Variants in LMNTD1 observed in about 807,000 individuals in gnomAD.
The protein encoded by LMNTD1 is lamin tail domain-containing protein 1.
Under a neutral mutation model 50.9 loss-of-function variants are expected in LMNTD1, and 35 were observed. The observed-to-expected ratio is 0.69, with a 90% CI of 0.53 to 0.91. The LOEUF is 0.91. Among genes scored for constraint, LMNTD1 ranks in the 40% least tolerant of loss-of-function variants. LMNTD1 has a pLI of 0.00. For missense variants in LMNTD1, 470 were observed against 475.5 expected, an observed-to-expected ratio of 0.99 and a Z score of 0.11; for synonymous variants, 153 against 161.9, an observed-to-expected ratio of 0.94 and a Z score of 0.42.
chr12:25,484,474 G>A (rs895120139), intron 9 of LMNTD1, among the ~76,000 whole-genome samples: 1 of 151,958 alleles, frequency 6.6e-6, no homozygotes, highest in African/African-American at 2.4e-5. Context: ...TACATTATGA[G>A]AGAATTGACC....
At chr12:25,595,064 G>A (rs1252665585) in intron 1 of LMNTD1, among the ~76,000 whole-genome samples, 1 of 152,016 alleles carries the variant, frequency 6.6e-6, no homozygotes, top group African/African-American at 2.4e-5. Context: ...ATCTAAAACT[G>A]GAGCTCCCAA....
chr12:25,577,848 C>T (rs2010774), intron 1 of LMNTD1, among the ~76,000 whole-genome samples: 18,298 of 152,026 alleles, frequency 0.12, 1,281 homozygotes, highest in East Asian at 0.28. Context: ...ATAGATTCTG[C>T]GCGTGTGAGG....
At chr12:25,581,448 G>A (rs190714719) in intron 1 of LMNTD1, among the ~76,000 whole-genome samples, 47 of 152,164 alleles carry the variant, frequency 3.1e-4, no homozygotes, top group African/African-American at 1.0e-3. Context: ...AACCTATTAG[G>A]ATTAGGAAAG....
At chr12:25,494,088 C>T (rs968228521) in intron 9 of LMNTD1, among the ~76,000 whole-genome samples, 3 of 152,186 alleles carry the variant, frequency 2.0e-5, no homozygotes, top group African/African-American at 7.2e-5. Context: ...TAGTAGGAGG[C>T]ATAAGACATA....
chr12:25,520,139 G>GAGAT (rs1446330038), intron 6 of LMNTD1, 64 bp from the exon 7 acceptor site: 7 of 152,426 alleles, frequency 4.6e-5, no homozygotes, highest in East Asian at 1.8e-4. Context: ...GCTGTTATGA[G>GAGAT]ATATACATAT....
chr12:25,598,132 C>A (rs916183987), intron 1 of LMNTD1, among the ~76,000 whole-genome samples: 2 of 152,110 alleles, frequency 1.3e-5, no homozygotes, highest in African/African-American at 4.8e-5. Context: ...CCTCCCCAGC[C>A]ATATGGAAAT....
At chr12:25,551,201 A>C (rs1943726160) in intron 2 of LMNTD1, among the ~76,000 whole-genome samples, 3 of 152,180 alleles carry the variant, frequency 2.0e-5, no homozygotes. Context: ...CAGACTGGCT[A>C]TTCTTTTCAG....
At chr12:25,562,370 G>T (rs1403381671) in intron 1 of LMNTD1, among the ~76,000 whole-genome samples, 1 of 152,126 alleles carries the variant, frequency 6.6e-6, no homozygotes, top group Non-Finnish European at 1.5e-5. Flanking sequence ...GTCTGTAAAG[G>T]ATTTTATTTC....
chr12:25,600,283 A>C (rs1384018079), intron 1 of LMNTD1, among the ~76,000 whole-genome samples: 2 of 152,088 alleles, frequency 1.3e-5, no homozygotes, highest in Non-Finnish European at 2.9e-5. Context: ...CTCTCACCAC[A>C]TACAAAACCA....
intron 1 of LMNTD1, among the ~76,000 whole-genome samples, chr12:25,614,892 TC>T (rs1946319987): frequency 6.6e-6 from 1 of 152,212 alleles, no homozygotes; most frequent in African/African-American, 2.4e-5. Flanking sequence ...GGCCATCTTC[TC>T]CCTGTTTTCA....
intron 9 of LMNTD1, among the ~76,000 whole-genome samples, chr12:25,479,574 T>C (rs1396435694): frequency 1.3e-5 from 2 of 152,204 alleles, no homozygotes; most frequent in African/African-American, 4.8e-5. Context: ...GTGAATTCCA[T>C]GAGCATGAGC....
chr12:25,527,389 TA>T (rs898624525), intron 4 of LMNTD1, among the ~76,000 whole-genome samples: 14 of 151,604 alleles, frequency 9.2e-5, no homozygotes, highest in Non-Finnish European at 1.9e-4. Context: ...TTTTGAAAGG[TA>T]AAAACTTTAA....
intron 1 of LMNTD1, among the ~76,000 whole-genome samples, chr12:25,564,831 T>G (rs1944486190): frequency 6.6e-6 from 1 of 152,292 alleles, no homozygotes; most frequent in East Asian, 1.9e-4. Flanking sequence ...TGGGGTGAAG[T>G]CTCTAGCTAT....
chr12:25,634,073 A>G (rs1347099625), intron 1 of LMNTD1, among the ~76,000 whole-genome samples: 1 of 152,204 alleles, frequency 6.6e-6, no homozygotes, highest in African/African-American at 2.4e-5. Context: ...CATAAACTAG[A>G]ACACCCAGAA....
At chr12:25,506,272 GA>G (rs1939771093) in intron 8 of LMNTD1, among the ~76,000 whole-genome samples, 1 of 152,134 alleles carries the variant, frequency 6.6e-6, no homozygotes, top group Non-Finnish European at 1.5e-5. Flanking sequence ...GCCACACTCA[GA>G]AACAAAGGAG....
chr12:25,545,076 G>C (rs1023168745), intron 4 of LMNTD1, among the ~76,000 whole-genome samples: 1 of 151,480 alleles, frequency 6.6e-6, no homozygotes, highest in South Asian at 2.1e-4. Context: ...ATACTTTCAG[G>C]TGTTTTCTTT....
chr12:25,622,846 CA>C (rs1946505311), intron 1 of LMNTD1, among the ~76,000 whole-genome samples: 1 of 147,000 alleles, frequency 6.8e-6, no homozygotes, highest in Non-Finnish European at 1.5e-5. Context: ...GTCTGATGTC[CA>C]CACACTAAGT....
At chr12:25,552,728 C>T (rs994495811) in intron 2 of LMNTD1, 143 bp downstream of exon 2, 3 of 622,306 alleles carry the variant, frequency 4.8e-6, no homozygotes, top group Non-Finnish European at 8.6e-6. Context: ...TGCTACAGTC[C>T]ATTATTTCTA....
intron 7 of LMNTD1, among the ~76,000 whole-genome samples, chr12:25,519,367 G>A (rs901437590): frequency 1.7e-4 from 11 of 63,166 alleles, no homozygotes; most frequent in Admixed American, 1.1e-3. Context: ...CAAGGCGGGC[G>A]GATCACAAGG....
Sources: gnomAD v4.1 joint callset for allele counts (sites outside exome capture counted in the v4.1 genomes callset) on GRCh38, gnomAD v4.1.1 for gene constraint, MANE v1.5 for transcripts, NCBI Gene and HGNC (gene_info 2026-07-23, HGNC 2026-07-21) for gene names.